Variants in TUFT1 observed in about 807,000 individuals in gnomAD.
The protein encoded by TUFT1 is tuftelin.
TUFT1 carries 43 observed loss-of-function variants against 57.8 expected under a neutral mutation model. The observed-to-expected ratio is 0.74, with a 90% confidence interval of 0.58 to 0.96. TUFT1 has a LOEUF of 0.96. Ranked by LOEUF, TUFT1 falls within the 40% of genes least tolerant of loss-of-function variation. The pLI, the probability that TUFT1 is intolerant of heterozygous loss-of-function variation, is 0.00. For synonymous variants in TUFT1, 166 were observed against 176.7 expected, an observed-to-expected ratio of 0.94 and a Z score of 0.48; for missense variants, 459 against 489.0, an observed-to-expected ratio of 0.94 and a Z score of 0.58.
At position 151,563,921 on chromosome 1, in the gene TUFT1, G is replaced by T. The variant is rs1665978783; in HGVS notation, c.255G>T (p.Arg85Ser). 1 of 1,613,922 alleles carries T rather than the reference G, an allele frequency of 6.2e-7. No homozygotes were observed. The highest frequency in any genetic ancestry group is 1.1e-5 in the South Asian group (1 of 91,082). Residue 85 changes from arginine to serine, a missense_variant, in exon 4 of 13, where the codon AGG (arginine) becomes AGT (serine). Coordinates refer to ENST00000368849, the MANE Select transcript of TUFT1 (RefSeq NM_020127.3). Reference sequence around the variant, plus strand: ...TATTTCAGGTGTACTTGAAGGGGAGGTCTGGAGACAAGATGATTCACGAGA... The same window carrying T: ...TATTTCAGGTGTACTTGAAGGGGAGTTCTGGAGACAAGATGATTCACGAGA... ...EEIIKVYLKG[R>S]SGDKMIHEKN...
chr1:151,566,306 C>CTT (rs1342505666), intron 6 of TUFT1, 78 bp downstream of exon 6: 18 of 1,108,816 alleles, frequency 1.6e-5, no homozygotes, highest in South Asian at 2.7e-5. Context: ...TTGTTTATTG[C>CTT]TTTCTCTCTC....
At chr1:151,574,636 C>T (rs1666388224) in intron 8 of TUFT1, among the ~76,000 whole-genome samples, 1 of 152,222 alleles carries the variant, frequency 6.6e-6, no homozygotes, top group South Asian at 2.1e-4. Context: ...CTTTTGAAGT[C>T]CTGGTTTCTC....
intron 1 of TUFT1, among the ~76,000 whole-genome samples, chr1:151,552,746 TA>T (rs1260925491): frequency 6.7e-6 from 1 of 149,588 alleles, no homozygotes; most frequent in African/African-American, 2.4e-5. Context: ...CATACAGATT[TA>T]TTTGATCATA....
chr1:151,564,781 C>CCTG, intron 5 of TUFT1, 167 bp downstream of exon 5: 2 of 591,292 alleles, frequency 3.4e-6, no homozygotes, highest in South Asian at 2.1e-5. Context: ...CTGGTTAGGA[C>CCTG]TCTCCAGCCG....
chr1:151,571,482 G>T (rs1038046311), intron 7 of TUFT1, among the ~76,000 whole-genome samples: 2 of 152,028 alleles, frequency 1.3e-5, no homozygotes, highest in African/African-American at 4.8e-5. Flanking sequence ...TATTTTAATA[G>T]CTTGGACTTA....
intron 1 of TUFT1, among the ~76,000 whole-genome samples, chr1:151,547,253 G>A (rs1665369347): frequency 6.6e-6 from 1 of 152,214 alleles, no homozygotes; most frequent in Admixed American, 6.5e-5. Context: ...TCTCCTCTGA[G>A]CGAGGAGAGT....
chr1:151,560,671 A>T (rs1278722942), intron 1 of TUFT1, among the ~76,000 whole-genome samples: 2 of 151,984 alleles, frequency 1.3e-5, no homozygotes, highest in African/African-American at 4.8e-5. Flanking sequence ...CCCAGCACCT[A>T]TTTCTCTTCA....
intron 10 of TUFT1, among the ~76,000 whole-genome samples, 168 bp downstream of exon 10, chr1:151,578,994 C>G (rs570864272): frequency 6.6e-6 from 1 of 152,184 alleles, no homozygotes; most frequent in Non-Finnish European, 1.5e-5. Context: ...CCCATCTTTC[C>G]CCTACTGTTT....
chr1:151,558,623 A>G (rs979723270), intron 1 of TUFT1, among the ~76,000 whole-genome samples: 1 of 151,950 alleles, frequency 6.6e-6, no homozygotes, highest in Non-Finnish European at 1.5e-5. Context: ...CAGTGCCCCA[A>G]CCCAGCCTAG....
chr1:151,550,355 G>T (rs1214165280), intron 1 of TUFT1, among the ~76,000 whole-genome samples: 1 of 151,756 alleles, frequency 6.6e-6, no homozygotes, highest in Non-Finnish European at 1.5e-5. Context: ...TCGTTTGTTT[G>T]TTTTTTTGAG....
At position 151,546,975 on chromosome 1, in the gene TUFT1, A is replaced by G. The variant is rs528167107; in HGVS notation, c.60+6549A>G. 1.7e-4 allele frequency among the ~76,000 whole-genome samples: 26 copies of G among 152,302 alleles called. No individual in the cohort carries two copies. The South Asian group carries it at 4.3e-3, about 25-fold the overall frequency. On this transcript the variant is annotated intron_variant, in intron 1 of 12. Transcript: ENST00000368849. ...CATTGCTGCTTACTCCAGAGGACTG[A>G]ATGTATTCTAAAATGTGGAAGTCCT...
At chr1:151,557,883 A>G in intron 1 of TUFT1, 1 of 726,176 alleles carries the variant, frequency 1.4e-6, no homozygotes, top group Non-Finnish European at 2.5e-6. Flanking sequence ...CTGGGTCAGC[A>G]ACCGAATTCC....
At chr1:151,575,155 C>T (rs1036368679) in intron 9 of TUFT1, 150 bp downstream of exon 9, 2 of 701,974 alleles carry the variant, frequency 2.8e-6, no homozygotes, top group East Asian at 5.5e-5. Flanking sequence ...TGAGCTTGCT[C>T]AGGGTGGAGC....
chr1:151,540,469 C>G, intron 1 of TUFT1, 43 bp downstream of exon 1: 1 of 1,611,282 alleles, frequency 6.2e-7, no homozygotes, highest in Non-Finnish European at 8.5e-7. Flanking sequence ...TTTGTATTCC[C>G]GGTTTCTAAG....
chr1:151,552,474 C>A (rs1415737458), intron 1 of TUFT1, among the ~76,000 whole-genome samples: 1 of 152,090 alleles, frequency 6.6e-6, no homozygotes, highest in Admixed American at 6.6e-5. Flanking sequence ...GAAGCCGAGG[C>A]GGGTGGATTA....
intron 3 of TUFT1, 33 bp from the exon 4 acceptor site, chr1:151,563,871 A>G: frequency 6.3e-7 from 1 of 1,575,548 alleles, no homozygotes; most frequent in Non-Finnish European, 8.7e-7. Flanking sequence ...ATTTAATTTG[A>G]GGTTTCTTAA....
At chr1:151,557,578 A>T (rs1665746699) in intron 1 of TUFT1, 4 of 1,110,816 alleles carry the variant, frequency 3.6e-6, no homozygotes, top group Non-Finnish European at 5.5e-6. Context: ...TCTTCATGTC[A>T]TGAAGGCCAT....
chr1:151,556,636 C>T (rs1305776745), intron 1 of TUFT1, among the ~76,000 whole-genome samples: 2 of 152,090 alleles, frequency 1.3e-5, no homozygotes, highest in Non-Finnish European at 2.9e-5. Flanking sequence ...GTCTCAAGCT[C>T]CTGGCCTCAA....
intron 3 of TUFT1, 113 bp downstream of exon 3, chr1:151,562,799 C>A: frequency 1.2e-6 from 1 of 839,754 alleles, no homozygotes; most frequent in Non-Finnish European, 2.0e-6. Flanking sequence ...ATGGAAGGAA[C>A]CAGACCTGAG....
Sources: allele counts gnomAD v4.1 joint callset (sites outside exome capture counted in the v4.1 genomes callset), GRCh38; gene constraint gnomAD v4.1.1; transcripts MANE v1.5; gene names NCBI Gene and HGNC (gene_info 2026-07-23, HGNC 2026-07-21).